Variants in DACH1 observed in about 807,000 individuals in gnomAD.
DACH1 encodes the protein dachshund homolog 1.
In DACH1, 12 loss-of-function variants were observed where a neutral mutation model predicts 54.2. The observed-to-expected ratio is 0.22, with a 90% confidence interval of 0.14 to 0.36. The LOEUF is 0.36. DACH1 is among the 10% of genes least tolerant of loss of function. DACH1 has a pLI of 1.00. For missense variants in DACH1, 805 were observed against 929.8 expected, an observed-to-expected ratio of 0.87 and a Z score of 1.75; for synonymous variants, 386 against 366.2, an observed-to-expected ratio of 1.05 and a Z score of -0.62.
chr13:71,748,955 TCTTTCTTTCTCTC>T (rs1566477197), intron 1 of DACH1, among the ~76,000 whole-genome samples: 12 of 62,798 alleles, frequency 1.9e-4, no homozygotes, highest in Middle Eastern at 0.01. Flanking sequence ...TTTCTTTCTC[TCTTTCTTTCTCTC>T]TCTCTCTTTC....
At chr13:71,505,742 T>A (rs1021289344) in intron 6 of DACH1, among the ~76,000 whole-genome samples, 5 of 152,280 alleles carry the variant, frequency 3.3e-5, no homozygotes, top group African/African-American at 1.2e-4. Context: ...TCTCATATAC[T>A]AAGATTTCAT....
rs1874284476 is a variant in DACH1, at chr13:71,860,530, TA to T, written c.848+5391del. On this transcript the variant is annotated intron_variant, in intron 1 of 10. Coordinates refer to ENST00000613252, the MANE Select transcript of DACH1 (RefSeq NM_080759.6). ...TAAATTCAAACAAAGTTTAACTTTT[TA>T]AAAGAACCAAGTAACAAAAACCTTA... Among the ~76,000 whole-genome samples the T allele has an allele frequency of 4.6e-5, 7 of 151,856 alleles. No individual in the cohort carries two copies. In the South Asian group the frequency reaches 1.5e-3, roughly 32 times the overall value.
At chr13:71,447,975 C>A (rs950406871) in intron 10 of DACH1, among the ~76,000 whole-genome samples, 14 of 152,166 alleles carry the variant, frequency 9.2e-5, no homozygotes, top group African/African-American at 2.7e-4. Flanking sequence ...AGGTATCACA[C>A]AATATGCAAA....
intron 2 of DACH1, among the ~76,000 whole-genome samples, chr13:71,668,212 A>AT (rs1350590873): frequency 6.6e-6 from 1 of 152,072 alleles, no homozygotes; most frequent in Non-Finnish European, 1.5e-5. Flanking sequence ...TCTTGATAAT[A>AT]TAGCATCACA....
intron 1 of DACH1, among the ~76,000 whole-genome samples, chr13:71,831,592 C>A (rs1888592690): frequency 6.6e-6 from 1 of 151,762 alleles, no homozygotes; most frequent in African/African-American, 2.4e-5. Context: ...TGAAAGACCC[C>A]CTTCAAATGA....
At chr13:71,530,613 C>T (rs923657764) in intron 6 of DACH1, among the ~76,000 whole-genome samples, 2 of 152,072 alleles carry the variant, frequency 1.3e-5, no homozygotes, top group South Asian at 4.1e-4. Flanking sequence ...CTTGCCTTCT[C>T]AGTTTCACAT....
At chr13:71,664,762 G>T (rs1371643011) in intron 2 of DACH1, among the ~76,000 whole-genome samples, 1 of 151,884 alleles carries the variant, frequency 6.6e-6, no homozygotes, top group Non-Finnish European at 1.5e-5. Context: ...TGACGCCTTC[G>T]TATTTTCCAA....
At chr13:71,561,984 A>C (rs1884612450) in intron 4 of DACH1, among the ~76,000 whole-genome samples, 1 of 152,076 alleles carries the variant, frequency 6.6e-6, no homozygotes, top group Admixed American at 6.6e-5. Flanking sequence ...CGCTATAAGA[A>C]GCTTCATGAC....
At chr13:71,583,803 C>T (rs556126789) in intron 3 of DACH1, among the ~76,000 whole-genome samples, 3 of 152,134 alleles carry the variant, frequency 2.0e-5, no homozygotes, top group African/African-American at 7.2e-5. Flanking sequence ...CCGCTGCATT[C>T]CAGCCTGGGT....
chr13:71,651,346 C>T (rs1878648671), intron 2 of DACH1, among the ~76,000 whole-genome samples: 1 of 134,954 alleles, frequency 7.4e-6, no homozygotes, highest in Admixed American at 7.8e-5. Context: ...CCAGCCTGGG[C>T]AACAGAGTGA....
chr13:71,727,328 C>T (rs956195014), intron 1 of DACH1, among the ~76,000 whole-genome samples: 1 of 152,050 alleles, frequency 6.6e-6, no homozygotes, highest in African/African-American at 2.4e-5. Flanking sequence ...GCAAGACTGT[C>T]AGGCATTCAC....
At chr13:71,838,841 C>T (rs1415977058) in intron 1 of DACH1, among the ~76,000 whole-genome samples, 1 of 152,162 alleles carries the variant, frequency 6.6e-6, no homozygotes, top group Non-Finnish European at 1.5e-5. Flanking sequence ...GGCTGCATTC[C>T]GTGGAGCCTA....
At chr13:71,576,629 T>G (rs1281093726) in intron 3 of DACH1, among the ~76,000 whole-genome samples, 1 of 152,174 alleles carries the variant, frequency 6.6e-6, no homozygotes, top group Non-Finnish European at 1.5e-5. Context: ...TAGTCAGAAA[T>G]GATGGGTTAC....
At chr13:71,840,395 T>C (rs1294463393) in intron 1 of DACH1, among the ~76,000 whole-genome samples, 2 of 152,328 alleles carry the variant, frequency 1.3e-5, no homozygotes, top group East Asian at 3.9e-4. Context: ...AGTGATTTAT[T>C]GTTATCTACA....
At chr13:71,742,043 C>T (rs1206142085) in intron 1 of DACH1, among the ~76,000 whole-genome samples, 3 of 152,118 alleles carry the variant, frequency 2.0e-5, no homozygotes, top group African/African-American at 7.2e-5. Context: ...GGGGGCCAGT[C>T]TTTCCCCTGC....
chr13:71,493,504 G>T (rs1391840826), intron 6 of DACH1, among the ~76,000 whole-genome samples: 1 of 152,088 alleles, frequency 6.6e-6, no homozygotes, highest in African/African-American at 2.4e-5. Context: ...ATGTTTGTTG[G>T]TTTAAGCCAC....
At chr13:71,737,368 C>G (rs1884183763) in intron 1 of DACH1, among the ~76,000 whole-genome samples, 1 of 152,076 alleles carries the variant, frequency 6.6e-6, no homozygotes, top group Non-Finnish European at 1.5e-5. Flanking sequence ...GAATTCGAGA[C>G]TTGGGGTAAG....
intron 3 of DACH1, among the ~76,000 whole-genome samples, chr13:71,600,901 T>G (rs1310236044): frequency 6.6e-6 from 1 of 151,952 alleles, no homozygotes; most frequent in African/African-American, 2.4e-5. Context: ...GCCCTCACCC[T>G]TAGAGATTAT....
intron 10 of DACH1, among the ~76,000 whole-genome samples, chr13:71,446,101 TAGCTGA>T (rs1874439106): frequency 2.0e-5 from 3 of 152,136 alleles, no homozygotes; most frequent in Admixed American, 2.0e-4. Context: ...AGTGCGTCCA[TAGCTGA>T]GGCCTCATTA....
Sources: gnomAD v4.1 joint callset for allele counts (sites outside exome capture counted in the v4.1 genomes callset) on GRCh38, gnomAD v4.1.1 for gene constraint, MANE v1.5 for transcripts, NCBI Gene and HGNC (gene_info 2026-07-23, HGNC 2026-07-21) for gene names.